EHMT1: variants seen among roughly 807,000 people sequenced by gnomAD.
EHMT1 encodes histone-lysine N-methyltransferase EHMT1.
A neutral mutation model predicts 147.2 loss-of-function variants in EHMT1; 15 were observed. That is an observed-to-expected ratio of 0.10 (90% CI 0.07 to 0.16). EHMT1 has a LOEUF of 0.16. EHMT1 is among the 10% of genes least tolerant of loss of function. The probability of loss-of-function intolerance (pLI) is 1.00; values close to 1 mark genes in which losing one functional copy is unlikely to be tolerated. For synonymous variants in EHMT1, 795 were observed against 709.6 expected (o/e 1.12, Z -1.91); for missense variants, 1,587 against 1,772.4 (o/e 0.90, Z 1.88).
intron 10 of EHMT1, among the ~76,000 whole-genome samples, chr9:137,766,124 C>G (rs1462277044): frequency 6.6e-6 from 1 of 152,112 alleles, no homozygotes; most frequent in Non-Finnish European, 1.5e-5. Context: ...ACAAGTTTGG[C>G]CCCTTTGTAG....
intron 16 of EHMT1, chr9:137,794,952 G>A (rs1410614299): frequency 1.3e-5 from 2 of 152,210 alleles, no homozygotes; most frequent in Non-Finnish European, 2.9e-5. Flanking sequence ...CCAGATGGCG[G>A]ATATGAAGAC....
At chr9:137,664,398 T>TA (rs1406274523) in intron 1 of EHMT1, among the ~76,000 whole-genome samples, 1 of 151,920 alleles carries the variant, frequency 6.6e-6, no homozygotes, top group Non-Finnish European at 1.5e-5. Flanking sequence ...TAGCTGGGAT[T>TA]ACAGGTGCCC....
chr9:137,727,009 G>GT (rs1274253415), intron 3 of EHMT1, among the ~76,000 whole-genome samples: 2 of 152,084 alleles, frequency 1.3e-5, no homozygotes, highest in African/African-American at 4.8e-5. Flanking sequence ...TATTCTGGTG[G>GT]TTTTTTATTG....
At position 137,619,810 on chromosome 9, in the gene EHMT1, T is replaced by G. The variant is rs1311745617; in HGVS notation, c.21+761T>G. On this transcript the variant is annotated intron_variant, in intron 1 of 26. Coordinates refer to ENST00000460843, the MANE Select transcript of EHMT1 (RefSeq NM_024757.5). ...TTAGGAAAGGAAGCAGCGTAGAGAT[T>G]AAAGTCTTGCGAGTGGACCACTGGC... Among the ~76,000 whole-genome samples the G allele has an allele frequency of 2.6e-5, 4 of 152,144 alleles. No homozygotes were observed. The East Asian group carries it at 7.7e-4, about 29-fold the overall frequency.
chr9:137,832,465 C>A (rs1022848624), intron 25 of EHMT1, among the ~76,000 whole-genome samples: 1 of 150,166 alleles, frequency 6.7e-6, no homozygotes, highest in South Asian at 2.1e-4. Flanking sequence ...CCTCAGGCCC[C>A]GCCTCCCACG....
At chr9:137,761,652 T>G (rs1191002915) in intron 9 of EHMT1, among the ~76,000 whole-genome samples, 1 of 151,860 alleles carries the variant, frequency 6.6e-6, no homozygotes, top group Non-Finnish European at 1.5e-5. Context: ...AGAGACGGGG[T>G]TTCACCATGT....
chr9:137,719,335 TG>T (rs1945695111), intron 3 of EHMT1, among the ~76,000 whole-genome samples: 1 of 152,132 alleles, frequency 6.6e-6, no homozygotes. Context: ...CAGTGGGTGG[TG>T]GGCACACTGT....
At chr9:137,733,496 G>T (rs537399639) in intron 4 of EHMT1, among the ~76,000 whole-genome samples, 26 of 152,330 alleles carry the variant, frequency 1.7e-4, no homozygotes, top group Admixed American at 1.6e-3. Flanking sequence ...TCTACTGAAG[G>T]TTTGCAACTT....
intron 6 of EHMT1, among the ~76,000 whole-genome samples, chr9:137,744,355 G>C (rs1948371142): frequency 6.7e-6 from 1 of 148,254 alleles, no homozygotes; most frequent in African/African-American, 2.5e-5. Flanking sequence ...ACAGGGTCTT[G>C]TTTTCACCCA....
intron 25 of EHMT1, among the ~76,000 whole-genome samples, chr9:137,829,600 C>G (rs1178314609): frequency 6.6e-6 from 1 of 152,254 alleles, no homozygotes; most frequent in Admixed American, 6.5e-5. Flanking sequence ...TGGTTCGCCC[C>G]TCTGGAGTCA....
intron 1 of EHMT1, among the ~76,000 whole-genome samples, chr9:137,705,132 G>A (rs905064452): frequency 1.1e-4 from 16 of 152,060 alleles, no homozygotes; most frequent in Non-Finnish European, 2.2e-4. Flanking sequence ...TGGGACTACA[G>A]GTGTGTGCCA....
At chr9:137,754,116 C>G in intron 7 of EHMT1, 55 bp from the exon 8 acceptor site, 1 of 1,613,036 alleles carries the variant, frequency 6.2e-7, no homozygotes, top group Admixed American at 1.7e-5. Flanking sequence ...GTGCTCTTGC[C>G]TTCCGTAGCT....
At chr9:137,808,563 C>T (rs1954143524) in intron 18 of EHMT1, among the ~76,000 whole-genome samples, 2 of 151,708 alleles carry the variant, frequency 1.3e-5, no homozygotes. Flanking sequence ...AGTTGTAGGC[C>T]AGGCTTGTCG....
intron 6 of EHMT1, 41 bp downstream of exon 6, chr9:137,744,131 A>C: frequency 6.2e-7 from 1 of 1,611,460 alleles, no homozygotes; most frequent in Non-Finnish European, 8.5e-7. Flanking sequence ...AGGAAAGAGC[A>C]TCACAAAGTT....
At position 137,636,706 on chromosome 9, in the gene EHMT1, C is replaced by T. The variant is rs147666716; in HGVS notation, c.21+17657C>T. Among the ~76,000 whole-genome samples, 69 of 152,176 alleles carry T rather than the reference C, an allele frequency of 4.5e-4. 2 individuals are homozygous for T. The highest frequency in any genetic ancestry group is 1.5e-3 in the Admixed American group (23 of 15,276). On this transcript the variant is annotated intron_variant, in intron 1 of 26. Transcript: ENST00000460843. ...TGTCTTACATAGATTTTCATATGCT[C>T]AACCAGCCCTGCGTTTCTGCCCTAA...
intron 18 of EHMT1, 76 bp downstream of exon 18, chr9:137,801,060 C>A: frequency 7.3e-7 from 1 of 1,369,026 alleles, no homozygotes; most frequent in Non-Finnish European, 1.0e-6. Flanking sequence ...GTTCTTTTCT[C>A]AAAAGCAGAA....
rs907039186 is a variant in EHMT1 at position 137,688,585 on chromosome 9, A to T, written c.22-22382A>T. Among the ~76,000 whole-genome samples the T allele has an allele frequency of 2.6e-5, 4 of 152,252 alleles. No individual in the cohort carries two copies. The South Asian group carries it at 8.3e-4, about 31-fold the overall frequency. On this transcript the variant is annotated intron_variant, in intron 1 of 26. Transcript: ENST00000460843. Reference sequence around the variant, plus strand: ...TGCTTTATTGTGAAGAGAAATATCAATGTAGAGCATTTGTACTGTCTAAAT... The same window carrying T: ...TGCTTTATTGTGAAGAGAAATATCATTGTAGAGCATTTGTACTGTCTAAAT...
At position 137,787,273 on chromosome 9, in the gene EHMT1, T is replaced by C. The variant is rs1326895653; in HGVS notation, c.2383-3575T>C. ...CCCCCACGCCCCTACCAAGACCACGTAGGGTCCAGTCTTGATTCCCTAACC... is the reference window on the plus strand; with the variant it reads ...CCCCCACGCCCCTACCAAGACCACGCAGGGTCCAGTCTTGATTCCCTAACC... On this transcript the variant is annotated intron_variant, in intron 15 of 26. Transcript: ENST00000460843. This position sits in a 1 kb window ranked among gnomAD's most constrained non-coding sequence, Gnocchi z 4.2. 2.0e-5 allele frequency: 3 copies of C among 153,464 alleles called. No individual in the cohort carries two copies. The highest frequency in any genetic ancestry group is 7.2e-5 in the African/African-American group (3 of 41,568). The allele number at this position is 153,464 out of a possible 1,614,324, so 9.5% of individuals were successfully genotyped here.
At chr9:137,781,101 G>A (rs1211818993) in intron 14 of EHMT1, among the ~76,000 whole-genome samples, 2 of 68,310 alleles carry the variant, frequency 2.9e-5, no homozygotes, top group Admixed American at 1.2e-4. Context: ...GGGATGTGTG[G>A]TGATGACGCT....
Sources: allele counts gnomAD v4.1 joint callset (sites outside exome capture counted in the v4.1 genomes callset), GRCh38; gene constraint gnomAD v4.1.1; non-coding constraint Gnocchi (gnomAD v3.1); transcripts MANE v1.5; gene names NCBI Gene and HGNC (gene_info 2026-07-23, HGNC 2026-07-21).